TNRC6A: variants seen among roughly 807,000 people sequenced by gnomAD.
TNRC6A encodes trinucleotide repeat containing adaptor 6A, also known as trinucleotide repeat-containing gene 6A protein.
TNRC6A carries 44 observed loss-of-function variants against 221.2 expected under a neutral mutation model. The ratio of observed to expected loss-of-function variants is 0.20; its 90% CI spans 0.16 to 0.26. TNRC6A has a LOEUF of 0.26. TNRC6A is among the 10% of genes least tolerant of loss of function. The pLI, the probability that TNRC6A is intolerant of heterozygous loss-of-function variation, is 1.00. For synonymous variants in TNRC6A, 847 were observed against 838.5 expected, an observed-to-expected ratio of 1.01 and a Z score of -0.18; for missense variants, 2,199 against 2,404.4, an observed-to-expected ratio of 0.91 and a Z score of 1.79.
rs1567319504 is a variant in TNRC6A, at chr16:24,643,111, A to ATT, written n.402+2103_402+2104insTT. Among the ~76,000 whole-genome samples the ATT allele has an allele frequency of 2.8e-3, 86 of 30,452 alleles. 3 individuals are homozygous for ATT. Among genetic ancestry groups the ATT allele is most frequent in the Middle Eastern group, 0.016 (1 of 62 alleles). The allele number at this position is 30,452 out of a possible 152,430, so 20.0% of individuals were successfully genotyped here. ...TATATATTTTATATATATATATAAA[A>ATT]TATATATATATAAAATATATATATA... On this transcript the variant is annotated intron_variant and non_coding_transcript_variant, in intron 2 of 2. Transcript: ENST00000566108.
chr16:24,816,678 C>T, intron 19 of TNRC6A, 138 bp from the exon 20 acceptor site: 1 of 1,016,292 alleles, frequency 9.8e-7, no homozygotes, highest in Non-Finnish European at 1.4e-6. Flanking sequence ...TTAACTGAAC[C>T]ATCCTCTTAG....
chr16:24,741,502 C>T (rs1008313769), intron 2 of TNRC6A, among the ~76,000 whole-genome samples: 1 of 152,088 alleles, frequency 6.6e-6, no homozygotes, highest in Non-Finnish European at 1.5e-5. Context: ...CTGTTTGTTG[C>T]TAGATTTGGT....
chr16:24,820,317 T>G lies in TNRC6A; in HGVS notation c.5259T>G (p.Arg1753=), dbSNP rs375177118. 6.2e-7 allele frequency: 1 copy of G among 1,614,000 alleles called. No individual in the cohort carries two copies. Among genetic ancestry groups the G allele is most frequent in the African/African-American group, 1.3e-5 (1 of 74,892 alleles). ...CTACGTGGGATAATTCTCCCCTTCG[T>G]ATAGGTGGAGGATGGGGAAATTCTG... The part of the protein sequence containing the change: ...PLSTWDNSPL[R]IGGGWGNSDA... Residue 1753 remains arginine, a synonymous_variant, in exon 22 of 25, where the codon CGT becomes CGG. Transcript: ENST00000395799.
chr16:24,743,258 G>T (rs1035260763), intron 2 of TNRC6A, among the ~76,000 whole-genome samples: 1 of 152,130 alleles, frequency 6.6e-6, no homozygotes, highest in African/African-American at 2.4e-5. Context: ...CCTTATGGTG[G>T]AGTATCTATT....
intron 2 of TNRC6A, among the ~76,000 whole-genome samples, chr16:24,695,143 AT>A (rs1287790254): frequency 6.6e-6 from 1 of 152,098 alleles, no homozygotes; most frequent in East Asian, 1.9e-4. Flanking sequence ...ATTTAACCCC[AT>A]AATAAAGGCA....
At chr16:24,804,461 A>T in intron 12 of TNRC6A, 142 bp downstream of exon 12, 2 of 1,163,030 alleles carry the variant, frequency 1.7e-6, no homozygotes, top group Non-Finnish European at 2.4e-6. Context: ...TTTGAAGTTC[A>T]CTGTCTTTTT....
intron 2 of TNRC6A, chr16:24,662,288 T>A (rs1025208074): frequency 8.0e-5 from 7 of 87,064 alleles, no homozygotes; most frequent in African/African-American, 6.9e-4. Context: ...CGTCTCTATT[T>A]AAAAAAATAC....
intron 11 of TNRC6A, among the ~76,000 whole-genome samples, chr16:24,802,616 G>A (rs1196073562): frequency 6.6e-6 from 1 of 152,200 alleles, no homozygotes; most frequent in Admixed American, 6.5e-5. Flanking sequence ...GTGGGACTGA[G>A]CTCAGTTGTG....
intron 3 of TNRC6A, among the ~76,000 whole-genome samples, chr16:24,757,303 T>C (rs2057273607): frequency 6.6e-6 from 1 of 152,154 alleles, no homozygotes; most frequent in South Asian, 2.1e-4. Context: ...AGGGAGTTAC[T>C]ATAGCTTTTA....
intron 3 of TNRC6A, 79 bp downstream of exon 3, chr16:24,750,892 G>A: frequency 1.6e-6 from 2 of 1,246,600 alleles, no homozygotes. Flanking sequence ...GATTTTGAAG[G>A]CATTTATTTG....
At chr16:24,791,930 A>G in intron 6 of TNRC6A, 113 bp downstream of exon 6, 2 of 1,217,548 alleles carry the variant, frequency 1.6e-6, no homozygotes, top group East Asian at 3.0e-5. Context: ...GTAATCCAGA[A>G]GCAGCTTGAA....
intron 2 of TNRC6A, among the ~76,000 whole-genome samples, chr16:24,743,356 C>G (rs919564022): frequency 1.3e-5 from 2 of 152,080 alleles, no homozygotes; most frequent in Non-Finnish European, 2.9e-5. Context: ...GGGCTTTACT[C>G]TGTCACCCAG....
chr16:24,677,026 G>T (rs954775648), intron 2 of TNRC6A, among the ~76,000 whole-genome samples: 1 of 152,012 alleles, frequency 6.6e-6, no homozygotes, highest in Non-Finnish European at 1.5e-5. Flanking sequence ...GCCAATTCAG[G>T]CATCACTTCT....
chr16:24,789,405 G>A lies in TNRC6A; in HGVS notation c.763G>A (p.Asp255Asn), dbSNP rs778822964. The A allele has an allele frequency of 2.5e-6, 4 of 1,614,220 alleles. No homozygotes were observed. In the South Asian group the frequency reaches 4.4e-5, roughly 18 times the overall value. ...SDPELASECM[D>N]ADSASSSESE... The stretch of plus-strand genomic sequence containing the variant: ...TCCGGAGTTGGCTTCAGAATGTATG[G>A]ATGCTGATTCTGCCTCCAGTTCTGA... Residue 255 changes from aspartate (D) to asparagine (N), a missense_variant, in exon 6 of 25, where the codon GAT becomes AAT. This residue lies in a region of TNRC6A where 1,405 missense variants were observed against 1,400.2 expected (regional missense o/e 1.00). Transcript: ENST00000395799.
chr16:24,729,152 C>T (rs2056545341), upstream of TNRC6A, among the ~76,000 whole-genome samples: 1 of 151,966 alleles, frequency 6.6e-6, no homozygotes, highest in Admixed American at 6.6e-5. Context: ...CACAACCCGC[C>T]TCAGGTATGC....
At chr16:24,645,412 C>A (rs951923451) in intron 2 of TNRC6A, among the ~76,000 whole-genome samples, 25 of 151,732 alleles carry the variant, frequency 1.6e-4, no homozygotes, top group African/African-American at 5.3e-4. Context: ...GAAGCTTGAG[C>A]CTGGGAGGCA....
chr16:24,684,976 C>A (rs750237750), intron 2 of TNRC6A, among the ~76,000 whole-genome samples: 2 of 152,160 alleles, frequency 1.3e-5, no homozygotes, highest in African/African-American at 2.4e-5. Flanking sequence ...CTGGTCCCTA[C>A]GGAATCCAGC....
intron 2 of TNRC6A, among the ~76,000 whole-genome samples, chr16:24,748,017 A>G (rs1413399760): frequency 6.6e-6 from 1 of 152,208 alleles, no homozygotes; most frequent in Non-Finnish European, 1.5e-5. Context: ...TTTCTGAATA[A>G]GTACCTGTGC....
At chr16:24,718,859 A>G (rs1596542063) in intron 2 of TNRC6A, among the ~76,000 whole-genome samples, 1 of 151,902 alleles carries the variant, frequency 6.6e-6, no homozygotes, top group Non-Finnish European at 1.5e-5. Context: ...CAATATGGTG[A>G]AACTGCGTCT....
Sources: gnomAD v4.1 joint callset for allele counts (sites outside exome capture counted in the v4.1 genomes callset) on GRCh38, gnomAD v4.1.1 for gene constraint, gnomAD v4.1.1 regional missense constraint, MANE v1.5 for transcripts, NCBI Gene and HGNC (gene_info 2026-07-23, HGNC 2026-07-21) for gene names.